Variants in ALDH9A1 observed in about 807,000 individuals in gnomAD.
The protein encoded by ALDH9A1 is 4-trimethylaminobutyraldehyde dehydrogenase.
In ALDH9A1, 42 loss-of-function variants were observed where a neutral mutation model predicts 56.6. That is an observed-to-expected ratio of 0.74 (90% CI 0.58 to 0.96). ALDH9A1 has a LOEUF of 0.96. Ranked by LOEUF, ALDH9A1 falls within the 40% of genes least tolerant of loss-of-function variation. The pLI, the probability that ALDH9A1 is intolerant of heterozygous loss-of-function variation, is 0.00. For synonymous variants in ALDH9A1, 242 were observed against 236.0 expected (o/e 1.03, Z -0.23); for missense variants, 661 against 651.5 (o/e 1.01, Z -0.16).
intron 6 of ALDH9A1, among the ~76,000 whole-genome samples, chr1:165,677,611 C>A (rs1649403565): frequency 6.6e-6 from 1 of 152,170 alleles, no homozygotes; most frequent in South Asian, 2.1e-4. Context: ...GTAATCCCAG[C>A]ACTTTGGGAG....
Position 165,669,292 on chromosome 1 carries a change from G to A in ALDH9A1, c.1089C>T (p.Val363=), listed in dbSNP as rs929284211. 1 of 1,609,394 alleles carries A rather than the reference G, an allele frequency of 6.2e-7. No individual in the cohort carries two copies. The highest frequency in any genetic ancestry group is 1.3e-5 in the African/African-American group (1 of 74,736). The stretch of plus-strand genomic sequence containing the variant: ...CCTTTGCCACTTTGACAAACCCAAG[G>A]ACTCGCTCCAGGTGTGGTCGGTTGA... ...PLINRPHLER[V]LGFVKVAKEQ... The change falls in exon 7 of 11, where the codon GTC becomes GTT. Residue 363 remains valine (V), a synonymous_variant. Coordinates refer to ENST00000354775, the MANE Select transcript of ALDH9A1 (RefSeq NM_000696.4).
rs1185560369 is a variant in ALDH9A1 at position 165,695,266 on chromosome 1, C to A, written c.313G>T (p.Ala105Ser). The A allele has an allele frequency of 3.7e-6, 6 of 1,608,060 alleles. No individual in the cohort carries two copies. The stretch of plus-strand genomic sequence containing the variant: ...TTGGAACATACCCTTATTATCCTGG[C>A]AGCCTCCAAAAGGATTCGGCAACGC... ...MERCRILLEA[A>S]RIIREREDEI... Residue 105 changes from alanine to serine, a missense_variant, in exon 2 of 11, where the codon GCC (alanine) becomes TCC (serine). Transcript: ENST00000354775.
chr1:165,679,589 G>A lies in ALDH9A1; in HGVS notation c.790-7C>T, dbSNP rs1649481216. The stretch of plus-strand genomic sequence containing the variant: ...TAGCTGACATCTCCATGATCTTGCA[G>A]AACAAGGACAAGGTATTCAGAACTT... On this transcript the variant is annotated splice_region_variant and splice_polypyrimidine_tract_variant and intron_variant, in intron 5 of 10. Transcript: ENST00000354775. The A allele has an allele frequency of 1.2e-6, 2 of 1,614,020 alleles. No homozygotes were observed. Among genetic ancestry groups the A allele is most frequent in the Non-Finnish European group, 1.7e-6 (2 of 1,180,020 alleles).
intron 2 of ALDH9A1, among the ~76,000 whole-genome samples, chr1:165,688,967 G>T (rs1649798753): frequency 6.6e-6 from 1 of 151,990 alleles, no homozygotes; most frequent in Non-Finnish European, 1.5e-5. Context: ...AAAGTAAAAA[G>T]AAATGAAATT....
chr1:165,680,642 A>G lies in ALDH9A1; in HGVS notation c.634T>C (p.Ser212Pro). ...TAGATTTCAGCCAGTAGCAATGCAG[A>G]AACAGGTGTAAAGGGAGAAGGTTTA... The part of the protein sequence containing the change: ...VFKPSPFTPV[S>P]ALLLAEIYSE... Residue 212 changes from serine to proline, a missense_variant, in exon 5 of 11, where the codon TCT becomes CCT. Ser to Pro is a moderately conservative substitution (Grantham distance 74, BLOSUM62 -1). Transcript: ENST00000354775. 6.2e-7 allele frequency: 1 copy of G among 1,613,972 alleles called. No homozygotes were observed. The highest frequency in any genetic ancestry group is 8.5e-7 in the Non-Finnish European group (1 of 1,179,958).
chr1:165,688,188 G>A (rs898410838), intron 2 of ALDH9A1, among the ~76,000 whole-genome samples: 6 of 152,004 alleles, frequency 3.9e-5, no homozygotes, highest in African/African-American at 1.2e-4. Flanking sequence ...GTGGTGACAT[G>A]AGTCTGTAGT....
intron 8 of ALDH9A1, among the ~76,000 whole-genome samples, chr1:165,667,737 CT>C (rs1225607380): frequency 6.6e-6 from 1 of 152,128 alleles, no homozygotes; most frequent in Non-Finnish European, 1.5e-5. Flanking sequence ...AGGTTTTCAG[CT>C]TTTAAATGTC....
chr1:165,694,385 C>T (rs1271830399), intron 2 of ALDH9A1, among the ~76,000 whole-genome samples: 1 of 152,002 alleles, frequency 6.6e-6, no homozygotes, highest in African/African-American at 2.4e-5. Flanking sequence ...ACCACAGAAA[C>T]CCTTTGCATT....
At position 165,678,092 on chromosome 1, in the gene ALDH9A1, T is replaced by C. The variant is rs547365430; in HGVS notation, c.930+1350A>G. Among the ~76,000 whole-genome samples, 144 of 151,728 alleles carry C rather than the reference T, an allele frequency of 9.5e-4. 1 individual carries two copies. The highest frequency in any genetic ancestry group is 1.6e-3 in the Non-Finnish European group (110 of 67,944). On this transcript the variant is annotated intron_variant, in intron 6 of 10. Coordinates refer to ENST00000354775, the MANE Select transcript of ALDH9A1 (RefSeq NM_000696.4). The stretch of plus-strand genomic sequence containing the variant: ...GGCTCACACTTGTAATCCCAGCACT[T>C]TGGGAGGCCAACGTGGGTGGATTGT...
intron 9 of ALDH9A1, among the ~76,000 whole-genome samples, chr1:165,666,320 T>C (rs1455826356): frequency 6.6e-6 from 1 of 152,158 alleles, no homozygotes; most frequent in Non-Finnish European, 1.5e-5. Context: ...GTCCTAAAAA[T>C]AGATTATGGT....
At chr1:165,691,944 A>G (rs901186386) in intron 2 of ALDH9A1, among the ~76,000 whole-genome samples, 1 of 152,246 alleles carries the variant, frequency 6.6e-6, no homozygotes, top group Non-Finnish European at 1.5e-5. Context: ...GTAATCCATC[A>G]TATAAACAGA....
intron 9 of ALDH9A1, 185 bp from the exon 10 acceptor site, chr1:165,665,315 C>T (rs1189176067): frequency 2.7e-5 from 15 of 552,482 alleles, no homozygotes; most frequent in Admixed American, 1.8e-4. Flanking sequence ...GTCCCATGCA[C>T]ATGGTATCTT....
In ALDH9A1 at chr1:165,679,473, G is replaced by A. The variant is rs1143660; in HGVS notation, c.899C>T (p.Ala300Val). ...DCDMNNAVKG[A>V]LMANFLTQGQ... ...TTGTGTGAGGAAGTTGGCCATCAGC[G>A]CCCCCTTTACAGCATTGTTCATATC... Residue 300 changes from alanine to valine, a missense_variant, in exon 6 of 11, where the codon GCG becomes GTG. Coordinates refer to ENST00000354775, the MANE Select transcript of ALDH9A1 (RefSeq NM_000696.4). The A allele has an allele frequency of 0.025, 39,732 of 1,613,992 alleles. 686 individuals are homozygous for A. The highest frequency in any genetic ancestry group is 0.068 in the South Asian group (6,194 of 91,070).
intron 5 of ALDH9A1, 29 bp downstream of exon 5, chr1:165,680,458 G>A (rs1040959840): frequency 1.7e-5 from 28 of 1,609,578 alleles, no homozygotes; most frequent in Middle Eastern, 1.8e-4. Context: ...AATGCCATGT[G>A]TGTTGACCAA....
In ALDH9A1 at chr1:165,695,376, G is replaced by A; in HGVS notation, c.203C>T (p.Thr68Ile). 1 of 1,610,504 alleles carries A rather than the reference G, an allele frequency of 6.2e-7. No individual in the cohort carries two copies. The highest frequency in any genetic ancestry group is 1.3e-5 in the African/African-American group (1 of 74,682). ...PATGRVIATFTCSGEKEVNLA... is the reference protein window; with the variant it reads ...PATGRVIATFICSGEKEVNLA... ...ATTTACTTCCTTTTCTCCTGAACAT[G>A]TGAAAGTAGCTATCACTCGGCCTAT... Residue 68 changes from threonine to isoleucine, a missense_variant, in exon 2 of 11, where the codon ACA (threonine) becomes ATA (isoleucine). Transcript: ENST00000354775.
intron 1 of ALDH9A1, among the ~76,000 whole-genome samples, chr1:165,697,936 G>GGA (rs1273489192): frequency 3.3e-5 from 5 of 152,160 alleles, no homozygotes; most frequent in Non-Finnish European, 7.4e-5. Context: ...GGCTGAGGCG[G>GGA]GAGAAGCACT....
Position 165,698,407 on chromosome 1 carries a change from C to T in ALDH9A1, c.152G>A (p.Gly51Asp). The part of the protein sequence containing the change: ...GARVEPADAS[G>D]TEKAFEPATG... Reference sequence around the variant, plus strand: ...TGCTGGCTCGAAAGCTTTCTCGGTACCGGAGGCGTCCGCCGGCTCCACGCG... The same window carrying T: ...TGCTGGCTCGAAAGCTTTCTCGGTATCGGAGGCGTCCGCCGGCTCCACGCG... Residue 51 changes from glycine (G) to aspartate (D), a missense_variant, in exon 1 of 11, where the codon GGT becomes GAT. Gly to Asp is a moderately conservative substitution (Grantham distance 94). Transcript: ENST00000354775. 2.5e-6 allele frequency: 4 copies of T among 1,605,560 alleles called. No individual in the cohort carries two copies. The highest frequency in any genetic ancestry group is 3.4e-6 in the Non-Finnish European group (4 of 1,177,046).
At chr1:165,664,788 C>A (rs998329825) in intron 10 of ALDH9A1, among the ~76,000 whole-genome samples, 1 of 152,192 alleles carries the variant, frequency 6.6e-6, no homozygotes, top group Non-Finnish European at 1.5e-5. Flanking sequence ...GTTCACAAGC[C>A]AGGCTATACA....
At chr1:165,694,589 T>C (rs1177819662) in intron 2 of ALDH9A1, among the ~76,000 whole-genome samples, 1 of 151,784 alleles carries the variant, frequency 6.6e-6, no homozygotes, top group East Asian at 1.9e-4. Context: ...TGAAAACAAA[T>C]CTGAAAAAGA....
Sources: allele counts gnomAD v4.1 joint callset (sites outside exome capture counted in the v4.1 genomes callset), GRCh38; gene constraint gnomAD v4.1.1; transcripts MANE v1.5; gene names NCBI Gene and HGNC (gene_info 2026-07-23, HGNC 2026-07-21).